Variants in PIK3AP1 observed in about 807,000 individuals in gnomAD.
The protein encoded by PIK3AP1 is phosphoinositide-3-kinase adaptor protein 1, also known as phosphoinositide 3-kinase adapter protein 1.
A neutral mutation model predicts 88.1 loss-of-function variants in PIK3AP1; 21 were observed. The observed-to-expected ratio is 0.24, with a 90% CI of 0.17 to 0.34. PIK3AP1 has a LOEUF of 0.34. Ranked by LOEUF, PIK3AP1 falls within the 10% of genes least tolerant of loss-of-function variation. The pLI is 1.00. For synonymous variants in PIK3AP1, 398 were observed against 400.0 expected (o/e 1.00, Z 0.06); for missense variants, 828 against 1,035.7 (o/e 0.80, Z 2.75).
intron 2 of PIK3AP1, among the ~76,000 whole-genome samples, chr10:96,667,349 T>C (rs1179723813): frequency 6.6e-6 from 1 of 152,246 alleles, no homozygotes; most frequent in Non-Finnish European, 1.5e-5. Context: ...TGTAAGGCAG[T>C]ATTAAGCCTT....
chr10:96,711,188 G>A (rs1361147538), intron 1 of PIK3AP1, among the ~76,000 whole-genome samples: 1 of 152,200 alleles, frequency 6.6e-6, no homozygotes, highest in African/African-American at 2.4e-5. Context: ...TCATACTCTA[G>A]ATTATTGGCA....
rs1393815391 is a variant in PIK3AP1, at chr10:96,595,004, G to C, written c.*573C>G. On this transcript the variant is annotated 3_prime_UTR_variant, in exon 17 of 17. Transcript: ENST00000339364. ...GGTTCCAGACTTCTGTGGAACCTCA[G>C]ATTTGCCTTCTGTATAAGAGGAGTT... The C allele has an allele frequency of 6.5e-6, 1 of 152,896 alleles. No individual in the cohort carries two copies. The highest frequency in any genetic ancestry group is 1.9e-4 in the East Asian group (1 of 5,200). The allele number at this position is 152,896 out of a possible 1,614,324, so 9.5% of individuals were successfully genotyped here. A position where few individuals can be genotyped will look rare whatever the true frequency, so the allele number is the denominator to read the frequency against.
At chr10:96,667,480 C>T (rs925465114) in intron 2 of PIK3AP1, among the ~76,000 whole-genome samples, 1 of 152,210 alleles carries the variant, frequency 6.6e-6, no homozygotes, top group Non-Finnish European at 1.5e-5. Flanking sequence ...ATCACAGCAA[C>T]TACATTGGTA....
Position 96,612,970 on chromosome 10 carries a change from A to G in PIK3AP1, c.2015-3103T>C, listed in dbSNP as rs1340045171. 2.8e-5 allele frequency among the ~76,000 whole-genome samples: 3 copies of G among 107,190 alleles called. No homozygotes were observed. In the Admixed American group the frequency reaches 3.2e-4, roughly 11 times the overall value. 70.3% of individuals were successfully genotyped at this position (107,190 alleles called of 152,430 possible). ...TGTGTGTATATATATATATATATAT[A>G]TATATATATATATTTTTTTTTTTTT... On this transcript the variant is annotated intron_variant, in intron 13 of 16. Coordinates refer to ENST00000339364, the MANE Select transcript of PIK3AP1 (RefSeq NM_152309.3).
intron 1 of PIK3AP1, among the ~76,000 whole-genome samples, chr10:96,719,566 C>T (rs1458603236): frequency 1.3e-5 from 2 of 152,132 alleles, no homozygotes; most frequent in African/African-American, 2.4e-5. Context: ...TCCTGCCCAC[C>T]ATGGAGAACA....
intron 2 of PIK3AP1, among the ~76,000 whole-genome samples, chr10:96,659,693 T>C (rs1471379508): frequency 6.8e-6 from 1 of 146,020 alleles, no homozygotes; most frequent in Admixed American, 6.8e-5. Context: ...TAAAACTCTG[T>C]CTCTACCAAA....
chr10:96,651,447 T>C (rs1260372035), intron 5 of PIK3AP1, 62 bp downstream of exon 5: 22 of 1,614,022 alleles, frequency 1.4e-5, no homozygotes, highest in Non-Finnish European at 1.9e-5. Flanking sequence ...GATTCAAGAC[T>C]GATAAGCCAT....
intron 2 of PIK3AP1, among the ~76,000 whole-genome samples, chr10:96,663,627 CAAAA>C (rs373081849): frequency 2.3e-5 from 1 of 42,988 alleles, no homozygotes; most frequent in Non-Finnish European, 4.3e-5. Context: ...GAGACTCCGT[CAAAA>C]AAAAAAAAAA....
chr10:96,639,573 A>G (rs1340032439), intron 8 of PIK3AP1, among the ~76,000 whole-genome samples: 1 of 152,242 alleles, frequency 6.6e-6, no homozygotes, highest in East Asian at 1.9e-4. Context: ...CTATGTCCCC[A>G]ACATAGTTCT....
At chr10:96,654,770 C>G (rs973451667) in intron 3 of PIK3AP1, among the ~76,000 whole-genome samples, 2 of 152,150 alleles carry the variant, frequency 1.3e-5, no homozygotes, top group African/African-American at 4.8e-5. Flanking sequence ...TGGTGGCAAC[C>G]CCCTTTACCC....
At chr10:96,627,032 AAT>A in intron 9 of PIK3AP1, 127 bp from the exon 10 acceptor site, 2 of 831,092 alleles carry the variant, frequency 2.4e-6, no homozygotes, top group Non-Finnish European at 4.0e-6. Context: ...GACTTTCCCC[AAT>A]ATCACTTCCT....
chr10:96,696,754 G>T (rs893566061), intron 2 of PIK3AP1, among the ~76,000 whole-genome samples: 1 of 152,080 alleles, frequency 6.6e-6, no homozygotes, highest in Non-Finnish European at 1.5e-5. Flanking sequence ...ATACTCCTAA[G>T]ACTCAACTTG....
intron 8 of PIK3AP1, among the ~76,000 whole-genome samples, chr10:96,629,921 A>AG (rs1486701125): frequency 2.0e-5 from 1 of 49,472 alleles, no homozygotes; most frequent in African/African-American, 6.9e-5. Flanking sequence ...AAAAAAAAAA[A>AG]AAAAAAAAAA....
At chr10:96,596,855 TATAATTGAACTGTGCC>T (rs1225903037) in intron 16 of PIK3AP1, among the ~76,000 whole-genome samples, 3 of 152,252 alleles carry the variant, frequency 2.0e-5, no homozygotes, top group African/African-American at 7.2e-5. Flanking sequence ...TGTTAGGTGC[TATAATTGAACTGTGCC>T]ACCCTGGAGT....
intron 8 of PIK3AP1, 103 bp from the exon 9 acceptor site, chr10:96,628,596 CA>C: frequency 6.4e-6 from 6 of 931,568 alleles, no homozygotes; most frequent in Non-Finnish European, 1.0e-5. Flanking sequence ...TTAAGAGATT[CA>C]AGCATTCATC....
At chr10:96,707,659 A>G (rs187737909) in intron 2 of PIK3AP1, among the ~76,000 whole-genome samples, 165 of 152,290 alleles carry the variant, frequency 1.1e-3, no homozygotes, top group African/African-American at 3.8e-3. Flanking sequence ...AGTCAGTGGC[A>G]ATACATCCAT....
At chr10:96,719,147 G>C (rs941322921) in intron 1 of PIK3AP1, among the ~76,000 whole-genome samples, 1 of 152,130 alleles carries the variant, frequency 6.6e-6, no homozygotes, top group African/African-American at 2.4e-5. Context: ...TTAGCCTCCA[G>C]AGCCCAGCTG....
intron 2 of PIK3AP1, among the ~76,000 whole-genome samples, chr10:96,682,118 G>A (rs919382621): frequency 5.9e-5 from 9 of 151,884 alleles, no homozygotes; most frequent in Admixed American, 2.0e-4. Flanking sequence ...GTAAGATTTC[G>A]ATAAACAAAC....
rs543310992 is a variant in PIK3AP1, at chr10:96,716,974, A to G, written c.13+3408T>C. Among the ~76,000 whole-genome samples, 11 of 152,202 alleles carry G rather than the reference A, an allele frequency of 7.2e-5. No individual in the cohort carries two copies. The South Asian group carries it at 1.5e-3, about 20-fold the overall frequency. On this transcript the variant is annotated intron_variant, in intron 1 of 16. Transcript: ENST00000339364. ...GTGCCTTTGCAGGATTCAGAGCCCA[A>G]TGGAGGGCCGAGCGTGGTGGCTCAC... is the stretch of plus-strand genomic sequence containing the variant.
Sources: allele counts gnomAD v4.1 joint callset (sites outside exome capture counted in the v4.1 genomes callset), GRCh38; gene constraint gnomAD v4.1.1; transcripts MANE v1.5; gene names NCBI Gene and HGNC (gene_info 2026-07-23, HGNC 2026-07-21).